Variants in GLRA1 observed in about 807,000 individuals in gnomAD.
GLRA1 encodes the protein glycine receptor subunit alpha-1.
In GLRA1, 37 loss-of-function variants were observed where a neutral mutation model predicts 48.3. That is an observed-to-expected ratio of 0.77 (90% CI 0.59 to 1.01). The LOEUF is 1.01. GLRA1 is among the 50% of genes least tolerant of loss of function. The pLI, the probability that GLRA1 is intolerant of heterozygous loss-of-function variation, is 0.00. For missense variants in GLRA1, 427 were observed against 571.0 expected, an observed-to-expected ratio of 0.75 and a Z score of 2.57; for synonymous variants, 196 against 210.7, an observed-to-expected ratio of 0.93 and a Z score of 0.60.
chr5:151,878,387 A>T (rs1361308986), intron 3 of GLRA1, among the ~76,000 whole-genome samples: 1 of 152,174 alleles, frequency 6.6e-6, no homozygotes, highest in Non-Finnish European at 1.5e-5. Flanking sequence ...AATTTGGAAA[A>T]TTTGCAGCCT....
chr5:151,876,262 A>G (rs1267974987), intron 3 of GLRA1, among the ~76,000 whole-genome samples: 1 of 152,112 alleles, frequency 6.6e-6, no homozygotes, highest in Non-Finnish European at 1.5e-5. Context: ...TTTTGGCACT[A>G]TTGAACACAC....
At chr5:151,866,795 G>A (rs192618983) in intron 3 of GLRA1, among the ~76,000 whole-genome samples, 2 of 152,192 alleles carry the variant, frequency 1.3e-5, no homozygotes, top group Non-Finnish European at 2.9e-5. Context: ...AAAATTGAAA[G>A]TGAGAGGGTC....
intron 7 of GLRA1, chr5:151,848,776 G>C (rs985713904): frequency 1.6e-5 from 5 of 315,564 alleles, no homozygotes; most frequent in Non-Finnish European, 3.0e-5. Flanking sequence ...GAAGAGCGGA[G>C]TGTGTGAGCA....
chr5:151,856,229 T>A, intron 5 of GLRA1, 72 bp downstream of exon 5: 1 of 969,756 alleles, frequency 1.0e-6, no homozygotes, highest in South Asian at 1.3e-5. Context: ...AGCAGCTGTG[T>A]GGGAATTTCT....
At chr5:151,919,822 A>G (rs1229811579) in intron 1 of GLRA1, among the ~76,000 whole-genome samples, 1 of 152,212 alleles carries the variant, frequency 6.6e-6, no homozygotes, top group African/African-American at 2.4e-5. Context: ...TTTAATGCGA[A>G]CCTGCAGAAT....
chr5:151,893,603 T>TG (rs781617300), intron 1 of GLRA1, among the ~76,000 whole-genome samples: 6 of 152,124 alleles, frequency 3.9e-5, no homozygotes, highest in Non-Finnish European at 8.8e-5. Context: ...AGTGAGAACA[T>TG]GCAGTGTTTG....
intron 4 of GLRA1, among the ~76,000 whole-genome samples, chr5:151,857,415 C>T (rs1207438257): frequency 6.6e-6 from 1 of 152,130 alleles, no homozygotes; most frequent in Non-Finnish European, 1.5e-5. Flanking sequence ...GCCTGGAGGC[C>T]AGGGGCTGCC....
intron 1 of GLRA1, among the ~76,000 whole-genome samples, chr5:151,911,186 A>G (rs1174139685): frequency 1.3e-5 from 2 of 151,722 alleles, no homozygotes; most frequent in African/African-American, 4.8e-5. Context: ...TGTTTGCCTC[A>G]CTCTCCTGAT....
intron 1 of GLRA1, among the ~76,000 whole-genome samples, chr5:151,909,126 G>A (rs936607511): frequency 2.6e-5 from 4 of 152,036 alleles, no homozygotes; most frequent in Admixed American, 6.5e-5. Flanking sequence ...ATTCATATTC[G>A]CTGGTATTAT....
chr5:151,844,442 C>A (rs559051383), intron 7 of GLRA1, among the ~76,000 whole-genome samples: 211 of 150,994 alleles, frequency 1.4e-3, no homozygotes, highest in African/African-American at 4.6e-3. Context: ...GCCAACATGA[C>A]AAAACCCCAT....
chr5:151,823,347 CT>C (rs1378642241), intron 8 of GLRA1, among the ~76,000 whole-genome samples: 1 of 152,188 alleles, frequency 6.6e-6, no homozygotes, highest in Non-Finnish European at 1.5e-5. Flanking sequence ...CCACAAGTTT[CT>C]TTTGACCATC....
intron 3 of GLRA1, among the ~76,000 whole-genome samples, chr5:151,864,223 C>T (rs915524031): frequency 1.3e-5 from 2 of 152,110 alleles, no homozygotes; most frequent in African/African-American, 4.8e-5. Flanking sequence ...GCAGAAAAAG[C>T]CTTCAGTCCC....
chr5:151,907,765 G>T (rs949613981), intron 1 of GLRA1, among the ~76,000 whole-genome samples: 4 of 152,198 alleles, frequency 2.6e-5, no homozygotes, highest in Admixed American at 6.5e-5. Context: ...GGTTTGGATT[G>T]CAGCCCCTGG....
At chr5:151,836,196 C>T (rs573390998) in intron 7 of GLRA1, among the ~76,000 whole-genome samples, 2 of 152,248 alleles carry the variant, frequency 1.3e-5, no homozygotes, top group African/African-American at 4.8e-5. Context: ...TGAGTGAACT[C>T]CCATTCACAA....
At chr5:151,854,974 GT>G in intron 6 of GLRA1, 65 bp downstream of exon 6, 1 of 1,481,264 alleles carries the variant, frequency 6.8e-7, no homozygotes, top group Non-Finnish European at 9.4e-7. Context: ...ATGATTGAAT[GT>G]GTCTGAAATG....
At chr5:151,886,927 C>A in intron 2 of GLRA1, 139 bp from the exon 3 acceptor site, 1 of 718,538 alleles carries the variant, frequency 1.4e-6, no homozygotes, top group South Asian at 1.5e-5. Flanking sequence ...ACCCCACCCC[C>A]AAGCACCTGG....
chr5:151,862,400 G>A (rs1042453722), intron 3 of GLRA1, among the ~76,000 whole-genome samples: 2 of 152,168 alleles, frequency 1.3e-5, no homozygotes, highest in Admixed American at 6.5e-5. Context: ...AACACCAAAA[G>A]CAATGGCAAC....
intron 1 of GLRA1, among the ~76,000 whole-genome samples, chr5:151,908,733 G>A (rs544823817): frequency 6.6e-6 from 1 of 151,890 alleles, no homozygotes; most frequent in South Asian, 2.1e-4. Context: ...ATCCCATAAT[G>A]TTAAATGAAA....
intron 3 of GLRA1, among the ~76,000 whole-genome samples, chr5:151,886,084 T>C (rs1440366505): frequency 6.6e-6 from 1 of 152,130 alleles, no homozygotes; most frequent in Admixed American, 6.5e-5. Flanking sequence ...AAACAAAAAG[T>C]CTGAGAAAAG....
Sources: gnomAD v4.1 joint callset for allele counts (sites outside exome capture counted in the v4.1 genomes callset) on GRCh38, gnomAD v4.1.1 for gene constraint, MANE v1.5 for transcripts, NCBI Gene and HGNC (gene_info 2026-07-23, HGNC 2026-07-21) for gene names.